The following LRMDA variants were observed in gnomAD, a reference collection of about 807,000 sequenced individuals.
LRMDA encodes the protein leucine-rich melanocyte differentiation-associated protein.
Under a neutral mutation model 29.8 loss-of-function variants are expected in LRMDA, and 18 were observed. The ratio of observed to expected loss-of-function variants is 0.60; its 90% CI spans 0.42 to 0.90. The LOEUF (loss-of-function observed/expected upper bound fraction) is 0.90. LRMDA is among the 40% of genes least tolerant of loss of function. The pLI, the probability that LRMDA is intolerant of heterozygous loss-of-function variation, is 0.00. For synonymous variants in LRMDA, 125 were observed against 109.4 expected, an observed-to-expected ratio of 1.14 and a Z score of -0.89; for missense variants, 273 against 273.9, an observed-to-expected ratio of 1.00 and a Z score of 0.02.
Position 76,329,352 on chromosome 10 carries a change from C to T in LRMDA, c.601+4867C>T, listed in dbSNP as rs575643958. Among the ~76,000 whole-genome samples, 4 of 152,330 alleles carry T rather than the reference C, an allele frequency of 2.6e-5. No homozygotes were observed. In the South Asian group the frequency reaches 8.3e-4, roughly 32 times the overall value. On this transcript the variant is annotated intron_variant, in intron 6 of 6. Transcript: ENST00000611255. ...GGAGGATCTCATTTCAACTTGTCTGCACGCACATTTTGCAAGATAATTGCA... is the reference window on the plus strand; with the variant it reads ...GGAGGATCTCATTTCAACTTGTCTGTACGCACATTTTGCAAGATAATTGCA...
At chr10:75,906,213 A>G (rs569666624) in intron 2 of LRMDA, among the ~76,000 whole-genome samples, 187 of 152,294 alleles carry the variant, frequency 1.2e-3, no homozygotes, top group Non-Finnish European at 2.2e-3. Context: ...TCATTGCATT[A>G]AAGATTATGG....
chr10:75,761,238 G>A (rs1004020849), intron 2 of LRMDA, among the ~76,000 whole-genome samples: 3 of 152,232 alleles, frequency 2.0e-5, no homozygotes, highest in Non-Finnish European at 4.4e-5. Flanking sequence ...ATACACCCAT[G>A]TTCATGGCAG....
In LRMDA at chr10:75,641,850, C is replaced by G. The variant is rs184175036; in HGVS notation, c.131+203356C>G. 3.5e-3 allele frequency among the ~76,000 whole-genome samples: 527 copies of G among 152,170 alleles called. 2 individuals are homozygous for G. Among genetic ancestry groups the G allele is most frequent in the Non-Finnish European group, 6.4e-3 (436 of 68,008 alleles). Reference sequence around the variant, plus strand: ...ATTACTGAACCTAGGAATTTGAGTCCAGCTCAGGCAACATAGCAAGACCCC... The same window carrying G: ...ATTACTGAACCTAGGAATTTGAGTCGAGCTCAGGCAACATAGCAAGACCCC... On this transcript the variant is annotated intron_variant, in intron 2 of 6. Coordinates refer to ENST00000611255, the MANE Select transcript of LRMDA (RefSeq NM_001305581.2).
At chr10:76,536,105 A>C (rs1186588655) in intron 6 of LRMDA, 1 of 152,240 alleles carries the variant, frequency 6.6e-6, no homozygotes, top group Non-Finnish European at 1.5e-5. Context: ...TGAGACATTT[A>C]AATAAATTAC....
At chr10:76,069,610 T>G (rs1177233881) in intron 5 of LRMDA, among the ~76,000 whole-genome samples, 1 of 152,162 alleles carries the variant, frequency 6.6e-6, no homozygotes, top group Non-Finnish European at 1.5e-5. Flanking sequence ...TCTTTTTTTT[T>G]TTTTTCTTTT....
At chr10:75,566,521 CCTCACATGG>C (rs1349614051) in intron 2 of LRMDA, among the ~76,000 whole-genome samples, 2 of 152,148 alleles carry the variant, frequency 1.3e-5, no homozygotes, top group Non-Finnish European at 2.9e-5. Flanking sequence ...TTCTTAAAGG[CCTCACATGG>C]CTTTCTAGGC....
At chr10:75,542,585 G>C (rs1028757759) in intron 2 of LRMDA, among the ~76,000 whole-genome samples, 1 of 152,214 alleles carries the variant, frequency 6.6e-6, no homozygotes, top group African/African-American at 2.4e-5. Flanking sequence ...AGAACTCACT[G>C]CAGATTAAGA....
intron 2 of LRMDA, among the ~76,000 whole-genome samples, chr10:75,878,418 C>CA (rs2132340467): frequency 6.6e-6 from 1 of 151,744 alleles, no homozygotes; most frequent in Admixed American, 6.6e-5. Flanking sequence ...GGGGTAGGGC[C>CA]ACCCAACAGC....
chr10:76,395,355 T>C (rs990145734), intron 6 of LRMDA, among the ~76,000 whole-genome samples: 1 of 152,200 alleles, frequency 6.6e-6, no homozygotes, highest in African/African-American at 2.4e-5. Context: ...AGCCCAACAA[T>C]CTCAGCTGGT....
chr10:76,108,239 C>T (rs867729709), intron 5 of LRMDA, among the ~76,000 whole-genome samples: 4 of 152,080 alleles, frequency 2.6e-5, no homozygotes, highest in African/African-American at 4.8e-5. Flanking sequence ...AATTGATCGG[C>T]GAACAAATCT....
At chr10:75,592,436 T>C (rs1367693695) in intron 2 of LRMDA, among the ~76,000 whole-genome samples, 3 of 152,238 alleles carry the variant, frequency 2.0e-5, no homozygotes, top group Non-Finnish European at 4.4e-5. Context: ...TTTCCTGTTC[T>C]GAGAGGACGT....
At chr10:75,717,717 G>A (rs1183532395) in intron 2 of LRMDA, among the ~76,000 whole-genome samples, 1 of 152,148 alleles carries the variant, frequency 6.6e-6, no homozygotes, top group African/African-American at 2.4e-5. Context: ...CTTTAAAACA[G>A]AGCACATGTG....
chr10:76,476,089 C>CA (rs1348367047), intron 6 of LRMDA, among the ~76,000 whole-genome samples: 6 of 151,902 alleles, frequency 3.9e-5, no homozygotes, highest in Non-Finnish European at 8.8e-5. Context: ...AAAAACCCTT[C>CA]AAAAAATCAA....
At chr10:76,398,671 T>G (rs1455446818) in intron 6 of LRMDA, among the ~76,000 whole-genome samples, 4 of 152,334 alleles carry the variant, frequency 2.6e-5, no homozygotes, top group Middle Eastern at 6.8e-3. Context: ...CAATCAACAT[T>G]GATTATGATA....
Position 75,735,162 on chromosome 10 carries a change from C to T in LRMDA, c.131+296668C>T, listed in dbSNP as rs562236398. On this transcript the variant is annotated intron_variant, in intron 2 of 6. Transcript: ENST00000611255. ...TAAACATTTATTGAATGGATTAATACGTGACTATATGACTGAGGAGTACAG... is the reference window on the plus strand; with the variant it reads ...TAAACATTTATTGAATGGATTAATATGTGACTATATGACTGAGGAGTACAG... Among the ~76,000 whole-genome samples the T allele has an allele frequency of 4.6e-5, 7 of 152,172 alleles. 1 individual carries two copies. Among genetic ancestry groups the T allele is most frequent in the African/African-American group, 1.7e-4 (7 of 41,432 alleles).
rs537729267 is a variant in LRMDA, at chr10:75,764,792, A to AT, written c.132-271211dup. The stretch of plus-strand genomic sequence containing the variant: ...CACATACCAGCAAGCAGCAAACCGT[A>AT]TTTTTCACATGTTCCCAAAATTGGT... On this transcript the variant is annotated intron_variant, in intron 2 of 6. Transcript: ENST00000611255. Among the ~76,000 whole-genome samples the AT allele has an allele frequency of 2.2e-4, 33 of 152,236 alleles. No individual in the cohort carries two copies. The East Asian group carries it at 5.8e-3, about 27-fold the overall frequency.
At chr10:75,579,366 A>G (rs868569078) in intron 2 of LRMDA, among the ~76,000 whole-genome samples, 24 of 152,332 alleles carry the variant, frequency 1.6e-4, no homozygotes, top group African/African-American at 5.5e-4. Context: ...CCCAAGACTA[A>G]ACCAGGAAGA....
At chr10:75,802,377 G>A (rs1189460648) in intron 2 of LRMDA, among the ~76,000 whole-genome samples, 1 of 151,176 alleles carries the variant, frequency 6.6e-6, no homozygotes, top group Non-Finnish European at 1.5e-5. Context: ...AATAGGGAAG[G>A]AAACTTGATT....
In LRMDA at chr10:75,438,381, A is replaced by T; in HGVS notation, c.31-13A>T. ...CCATTTGCCACATTGTTTCTGTTCC[A>T]TTTAATTTCCAGGTGTCCTACATAG... is the stretch of plus-strand genomic sequence containing the variant. On this transcript the variant is annotated splice_polypyrimidine_tract_variant and intron_variant, in intron 1 of 6. Transcript: ENST00000611255. 2 of 1,546,238 alleles carry T rather than the reference A, an allele frequency of 1.3e-6. No homozygotes were observed. Among genetic ancestry groups the T allele is most frequent in the Non-Finnish European group, 1.8e-6 (2 of 1,142,704 alleles).
Sources: allele counts gnomAD v4.1 joint callset (sites outside exome capture counted in the v4.1 genomes callset), GRCh38; gene constraint gnomAD v4.1.1; transcripts MANE v1.5; gene names NCBI Gene and HGNC (gene_info 2026-07-23, HGNC 2026-07-21).